The following ASPRV1 variants were observed in gnomAD, a reference collection of about 807,000 sequenced individuals.
ASPRV1 encodes the protein retroviral-like aspartic protease 1.
In ASPRV1, 7 loss-of-function variants were observed where a neutral mutation model predicts 11.0. That is an observed-to-expected ratio of 0.64 (90% CI 0.36 to 1.20). The LOEUF (loss-of-function observed/expected upper bound fraction) is 1.20, where lower values mean the gene tolerates loss of function less well. Among genes scored for constraint, ASPRV1 ranks in the 50% most tolerant of loss-of-function variants. The pLI, the probability that ASPRV1 is intolerant of heterozygous loss-of-function variation, is 0.02. For synonymous variants in ASPRV1, 136 were observed against 138.4 expected (o/e 0.98, Z 0.12); for missense variants, 299 against 320.0 (o/e 0.93, Z 0.50).
At chr2:70,037,190 T>G in the ASPRV1 span, among the ~76,000 whole-genome samples, 1 of 152,212 alleles carries the variant, frequency 6.6e-6, no homozygotes, top group Non-Finnish European at 1.5e-5. Flanking sequence ...GTGGCTCCCC[T>G]TTCCAGTTAG....
chr2:70,013,842 C>T, the ASPRV1 span, among the ~76,000 whole-genome samples: 1 of 152,172 alleles, frequency 6.6e-6, no homozygotes, highest in Non-Finnish European at 1.5e-5. Context: ...AATCGCACCA[C>T]TGCACTCCAG....
the ASPRV1 span, among the ~76,000 whole-genome samples, chr2:69,952,340 T>C: frequency 6.6e-6 from 1 of 151,974 alleles, no homozygotes; most frequent in African/African-American, 2.4e-5. Flanking sequence ...CAAAACCCCG[T>C]CTCTACAAAA....
At chr2:70,022,173 C>T in the ASPRV1 span, among the ~76,000 whole-genome samples, 1 of 151,620 alleles carries the variant, frequency 6.6e-6, no homozygotes, top group African/African-American at 2.4e-5. Context: ...CACCACCATG[C>T]CCGGCTAATT....
chr2:69,979,269 A>C, the ASPRV1 span, among the ~76,000 whole-genome samples: 1 of 152,202 alleles, frequency 6.6e-6, no homozygotes. Context: ...TCCTGACCTC[A>C]TGATCCACCC....
the ASPRV1 span, among the ~76,000 whole-genome samples, chr2:69,983,799 T>G: frequency 1.3e-5 from 2 of 152,126 alleles, no homozygotes; most frequent in Non-Finnish European, 2.9e-5. Flanking sequence ...ACCTCACTTT[T>G]CTGAGGGGGA....
At chr2:70,071,955 CTTTTT>C in the ASPRV1 span, among the ~76,000 whole-genome samples, 1 of 138,288 alleles carries the variant, frequency 7.2e-6, no homozygotes, top group African/African-American at 2.6e-5. Context: ...ATTTTTCTTT[CTTTTT>C]TTTTTTTATG....
chr2:70,075,456 T>C, the ASPRV1 span, among the ~76,000 whole-genome samples: 1 of 150,908 alleles, frequency 6.6e-6, no homozygotes. Flanking sequence ...TTTTCTAACC[T>C]CTCTTCAACT....
the ASPRV1 span, among the ~76,000 whole-genome samples, chr2:69,998,298 G>A: frequency 6.6e-6 from 1 of 151,882 alleles, no homozygotes; most frequent in African/African-American, 2.4e-5. Context: ...CTTAGGATTT[G>A]TGACTTTATG....
upstream of ASPRV1, chr2:69,964,236 C>A (rs754495790): frequency 2.6e-6 from 1 of 382,000 alleles, no homozygotes. Flanking sequence ...CCCACCTTGG[C>A]CCCATCCTTC....
At chr2:69,934,560 CTCTG>C in the ASPRV1 span, among the ~76,000 whole-genome samples, 2 of 152,282 alleles carry the variant, frequency 1.3e-5, no homozygotes, top group African/African-American at 4.8e-5. Flanking sequence ...CCTTCCTTAT[CTCTG>C]TCTGACTGTT....
chr2:70,007,740 G>A, the ASPRV1 span, among the ~76,000 whole-genome samples: 3 of 152,090 alleles, frequency 2.0e-5, no homozygotes, highest in East Asian at 5.8e-4. Flanking sequence ...GATCCCTCAA[G>A]AAGCTCATTA....
At chr2:70,005,283 C>T in the ASPRV1 span, among the ~76,000 whole-genome samples, 1 of 152,126 alleles carries the variant, frequency 6.6e-6, no homozygotes. Context: ...TGGTCTTGAA[C>T]TCCTGGGCTC....
At chr2:70,020,335 C>T in the ASPRV1 span, among the ~76,000 whole-genome samples, 5,705 of 152,238 alleles carry the variant, frequency 0.037, 363 homozygotes, top group African/African-American at 0.13. Context: ...AAGGTACAAG[C>T]AACCCAAATG....
chr2:70,013,411 T>C, the ASPRV1 span, among the ~76,000 whole-genome samples: 2 of 152,222 alleles, frequency 1.3e-5, no homozygotes, highest in Admixed American at 1.3e-4. Context: ...CAAATCTGTA[T>C]GTAGCTGGAT....
At chr2:69,999,785 C>T in the ASPRV1 span, among the ~76,000 whole-genome samples, 1 of 151,988 alleles carries the variant, frequency 6.6e-6, no homozygotes, top group South Asian at 2.1e-4. Context: ...TGCACCCCAC[C>T]CCCACCACTC....
the ASPRV1 span, among the ~76,000 whole-genome samples, chr2:70,077,687 C>G: frequency 2.6e-5 from 4 of 151,826 alleles, no homozygotes; most frequent in Non-Finnish European, 5.9e-5. Flanking sequence ...AACCCCGCCT[C>G]TACTATAAAC....
At chr2:70,029,744 C>T in the ASPRV1 span, among the ~76,000 whole-genome samples, 16 of 152,236 alleles carry the variant, frequency 1.1e-4, no homozygotes, top group African/African-American at 3.9e-4. Context: ...GTAAGCACAC[C>T]AAGGCTGAGC....
At chr2:69,954,247 TA>T in the ASPRV1 span, among the ~76,000 whole-genome samples, 1 of 152,156 alleles carries the variant, frequency 6.6e-6, no homozygotes, top group Non-Finnish European at 1.5e-5. Context: ...CAGACATCAC[TA>T]ATCAATCATG....
the ASPRV1 span, among the ~76,000 whole-genome samples, chr2:70,078,040 G>A: frequency 6.6e-6 from 1 of 151,780 alleles, no homozygotes; most frequent in Non-Finnish European, 1.5e-5. Context: ...GGTGGCACAC[G>A]CCTGTAATCC....
Sources: allele counts gnomAD v4.1 joint callset (sites outside exome capture counted in the v4.1 genomes callset), GRCh38; gene constraint gnomAD v4.1.1; transcripts MANE v1.5; gene names NCBI Gene and HGNC (gene_info 2026-07-23, HGNC 2026-07-21).